MYDGF: variants seen among roughly 807,000 people sequenced by gnomAD.
The protein encoded by MYDGF is myeloid-derived growth factor.
In MYDGF, 29 loss-of-function variants were observed where a neutral mutation model predicts 24.2. That is an observed-to-expected ratio of 1.20 (90% CI 0.89 to 1.63). The LOEUF is 1.63. Among genes scored for constraint, MYDGF ranks in the 40% most tolerant of loss-of-function variants. The pLI is 0.00. For synonymous variants in MYDGF, 105 were observed against 102.5 expected (o/e 1.02, Z -0.15); for missense variants, 245 against 234.8 (o/e 1.04, Z -0.29).
chr19:4,658,811 A>AT (rs1013131803), intron 5 of MYDGF, among the ~76,000 whole-genome samples: 4 of 151,662 alleles, frequency 2.6e-5, no homozygotes, highest in African/African-American at 7.3e-5. Context: ...AAAATTTATT[A>AT]TTTTTTTTGA....
chr19:4,662,801 C>A (rs1195284116), intron 3 of MYDGF, among the ~76,000 whole-genome samples: 1 of 152,004 alleles, frequency 6.6e-6, no homozygotes, highest in East Asian at 1.9e-4. Context: ...CGGGAGATAG[C>A]ATCATCCAAA....
At position 4,670,315 on chromosome 19, in the gene MYDGF, C is replaced by T. The variant is rs1005715585; in HGVS notation, c.20G>A (p.Gly7Glu). The T allele has an allele frequency of 1.7e-5, 25 of 1,474,458 alleles. No individual in the cohort carries two copies. The highest frequency in any genetic ancestry group is 2.1e-5 in the Non-Finnish European group (23 of 1,111,930). 91.3% of individuals were successfully genotyped at this position (1,474,458 alleles called of 1,614,324 possible). The part of the protein sequence containing the change: MAAPSG[G>E]WNGVGASLWA... The stretch of plus-strand genomic sequence containing the variant: ...CAAGCTCGCGCCGACGCCGTTCCAC[C>T]CTCCGCTGGGCGCCGCCATGTTGGA... The change falls in exon 1 of 6, where the codon GGG becomes GAG. Residue 7 changes from glycine to glutamate, a missense_variant. Gly to Glu is a moderately conservative substitution (Grantham distance 98). Coordinates refer to ENST00000262947, the MANE Select transcript of MYDGF (RefSeq NM_019107.4).
intron 1 of MYDGF, 83 bp downstream of exon 1, chr19:4,670,078 T>A: frequency 7.5e-7 from 1 of 1,335,456 alleles, no homozygotes; most frequent in Non-Finnish European, 9.7e-7. Flanking sequence ...CCGCGCCCCC[T>A]CCTCGGGCCC....
At chr19:4,664,793 G>A (rs572192295) in intron 3 of MYDGF, 83 bp downstream of exon 3, 45 of 1,482,584 alleles carry the variant, frequency 3.0e-5, no homozygotes, top group Middle Eastern at 1.7e-4. Flanking sequence ...TGCAGCCCTC[G>A]TTCCCTGCCT....
chr19:4,658,273 G>C (rs996117917), intron 5 of MYDGF, among the ~76,000 whole-genome samples, 189 bp from the exon 6 acceptor site: 1 of 152,212 alleles, frequency 6.6e-6, no homozygotes, highest in African/African-American at 2.4e-5. Context: ...GTGATGTGGA[G>C]GGTAAGGTCG....
At chr19:4,663,463 C>T (rs112988634) in intron 3 of MYDGF, among the ~76,000 whole-genome samples, 7,991 of 113,064 alleles carry the variant, frequency 0.071, 956 homozygotes, top group African/African-American at 0.24. Context: ...CCAATCTACC[C>T]TCCCCACCCC....
chr19:4,661,914 T>C (rs1234291448), intron 3 of MYDGF, among the ~76,000 whole-genome samples: 2 of 152,126 alleles, frequency 1.3e-5, no homozygotes, highest in Non-Finnish European at 2.9e-5. Context: ...CCTGCCCAGA[T>C]GCCCTCTGGG....
chr19:4,667,606 G>A (rs960187430), intron 2 of MYDGF, among the ~76,000 whole-genome samples: 1 of 152,134 alleles, frequency 6.6e-6, no homozygotes, highest in African/African-American at 2.4e-5. Context: ...GCCACCAGCT[G>A]GAGACAACAG....
At chr19:4,667,649 C>A (rs2088531765) in intron 2 of MYDGF, among the ~76,000 whole-genome samples, 1 of 152,136 alleles carries the variant, frequency 6.6e-6, no homozygotes, top group African/African-American at 2.4e-5. Flanking sequence ...GGTCCCTGAA[C>A]CACAAGTAAC....
intron 2 of MYDGF, 80 bp downstream of exon 2, chr19:4,668,515 C>T (rs2088537262): frequency 2.3e-6 from 3 of 1,301,650 alleles, no homozygotes; most frequent in Middle Eastern, 1.9e-4. Flanking sequence ...TGAGACCCAA[C>T]CCTGCTGTCT....
chr19:4,663,327 C>T (rs1256271146), intron 3 of MYDGF, among the ~76,000 whole-genome samples: 7 of 141,208 alleles, frequency 5.0e-5, no homozygotes, highest in African/African-American at 8.1e-5. Context: ...CTCCAATCTA[C>T]GCTCCCATCC....
At chr19:4,664,988 G>A (rs770536317) in intron 2 of MYDGF, 51 bp from the exon 3 acceptor site, 14 of 1,585,762 alleles carry the variant, frequency 8.8e-6, no homozygotes, top group Non-Finnish European at 1.1e-5. Flanking sequence ...GCTGCTCTCG[G>A]AGACTTCTAG....
At chr19:4,658,134 A>G (rs752981195) in intron 5 of MYDGF, 50 bp from the exon 6 acceptor site, 1 of 1,534,154 alleles carries the variant, frequency 6.5e-7, no homozygotes, top group Non-Finnish European at 8.9e-7. Context: ...AAATTCTCAG[A>G]AGTCCGGAGG....
intron 2 of MYDGF, among the ~76,000 whole-genome samples, chr19:4,666,227 T>C (rs1028927108): frequency 1.3e-5 from 2 of 152,138 alleles, no homozygotes; most frequent in Admixed American, 1.3e-4. Context: ...TCTGTAGGAT[T>C]TCTTACAAGT....
rs376755379 is a variant in MYDGF, at chr19:4,660,768, G to A, written c.288-18C>T. The A allele has an allele frequency of 2.5e-6, 4 of 1,609,866 alleles. No homozygotes were observed. The highest frequency in any genetic ancestry group is 2.5e-6 in the Non-Finnish European group (3 of 1,177,138). ...CCTGGGGCCTGCAGAGGAAGAGGGG[G>A]CGAGGGAGTCAGGCCAGGCCTGCTG... On this transcript the variant is annotated intron_variant, in intron 3 of 5. Coordinates refer to ENST00000262947, the MANE Select transcript of MYDGF (RefSeq NM_019107.4).
chr19:4,659,791 G>A (rs768350002), intron 5 of MYDGF, 140 bp downstream of exon 5: 7 of 737,046 alleles, frequency 9.5e-6, no homozygotes, highest in Non-Finnish European at 1.4e-5. Flanking sequence ...TGACGAGGTG[G>A]CCTTTATAGA....
chr19:4,660,756 G>A lies in MYDGF; in HGVS notation c.288-6C>T. On this transcript the variant is annotated splice_region_variant and splice_polypyrimidine_tract_variant and intron_variant, in intron 3 of 5. Transcript: ENST00000262947. The stretch of plus-strand genomic sequence containing the variant: ...GATAGGACTTCCCCTGGGGCCTGCA[G>A]AGGAAGAGGGGGCGAGGGAGTCAGG... 1 of 1,613,054 alleles carries A rather than the reference G, an allele frequency of 6.2e-7. No homozygotes were observed. The highest frequency in any genetic ancestry group is 1.1e-5 in the South Asian group (1 of 91,010).
intron 2 of MYDGF, 73 bp downstream of exon 2, chr19:4,668,522 G>T: frequency 7.3e-7 from 1 of 1,368,608 alleles, no homozygotes; most frequent in Non-Finnish European, 1.0e-6. Flanking sequence ...CAACCCTGCT[G>T]TCTGCTACAG....
At chr19:4,664,985 T>G in intron 2 of MYDGF, 48 bp from the exon 3 acceptor site, 1 of 1,590,768 alleles carries the variant, frequency 6.3e-7, no homozygotes, top group Non-Finnish European at 8.6e-7. Context: ...ACAGCTGCTC[T>G]CGGAGACTTC....
Sources: allele counts gnomAD v4.1 joint callset (sites outside exome capture counted in the v4.1 genomes callset), GRCh38; gene constraint gnomAD v4.1.1; transcripts MANE v1.5; gene names NCBI Gene and HGNC (gene_info 2026-07-23, HGNC 2026-07-21).